Variants in AOAH observed in about 807,000 individuals in gnomAD.
The protein encoded by AOAH is acyloxyacyl hydrolase (neutrophil).
A neutral mutation model predicts 92.2 loss-of-function variants in AOAH; 64 were observed. That is an observed-to-expected ratio of 0.69 (90% CI 0.57 to 0.86). The LOEUF is 0.86. AOAH is among the 40% of genes least tolerant of loss of function. The pLI, the probability that AOAH is intolerant of heterozygous loss-of-function variation, is 0.00. For synonymous variants in AOAH, 263 were observed against 254.5 expected, an observed-to-expected ratio of 1.03 and a Z score of -0.32; for missense variants, 656 against 694.6, an observed-to-expected ratio of 0.94 and a Z score of 0.62.
At chr7:36,651,024 A>C (rs1794544706) in intron 4 of AOAH, among the ~76,000 whole-genome samples, 1 of 152,168 alleles carries the variant, frequency 6.6e-6, no homozygotes, top group Non-Finnish European at 1.5e-5. Flanking sequence ...GCCCAGCACA[A>C]GGGGCTGACG....
intron 1 of AOAH, among the ~76,000 whole-genome samples, chr7:36,722,281 C>T (rs1242515261): frequency 2.0e-5 from 3 of 152,142 alleles, no homozygotes; most frequent in Non-Finnish European, 4.4e-5. Flanking sequence ...TCCCCAACAC[C>T]TCCTTCTTAC....
chr7:36,610,117 TTC>T (rs1394060218), intron 11 of AOAH, among the ~76,000 whole-genome samples: 2,184 of 125,868 alleles, frequency 0.017, 44 homozygotes, highest in African/African-American at 0.061. Context: ...TTTTCTTTTT[TTC>T]TTTTTTCTTT....
At chr7:36,674,634 G>C (rs1241018178) in intron 2 of AOAH, among the ~76,000 whole-genome samples, 1 of 152,206 alleles carries the variant, frequency 6.6e-6, no homozygotes, top group Non-Finnish European at 1.5e-5. Flanking sequence ...AATGAAACTT[G>C]TTAGCTCTTT....
At chr7:36,656,718 C>G (rs1427691279) in intron 4 of AOAH, among the ~76,000 whole-genome samples, 1 of 150,792 alleles carries the variant, frequency 6.6e-6, no homozygotes, top group Non-Finnish European at 1.5e-5. Context: ...TTTTTTTGTG[C>G]GACCTTCCCC....
Position 36,628,881 on chromosome 7 carries a change from G to A in AOAH, c.521+3155C>T, listed in dbSNP as rs10275800. Among the ~76,000 whole-genome samples the A allele has an allele frequency of 6.2e-3, 937 of 152,332 alleles. 9 individuals are homozygous for A. Among genetic ancestry groups the A allele is most frequent in the African/African-American group, 0.02 (836 of 41,574 alleles). On this transcript the variant is annotated intron_variant, in intron 6 of 20. Coordinates refer to ENST00000617537, the MANE Select transcript of AOAH (RefSeq NM_001637.4). ...TAAAACCTACTTGTTCCTCTAAAGC[G>A]TAGGGCTAAGAGTTGAGGGGTCAAT...
At chr7:36,672,415 A>G (rs2116646397) in intron 3 of AOAH, among the ~76,000 whole-genome samples, 1 of 152,336 alleles carries the variant, frequency 6.6e-6, no homozygotes, top group South Asian at 2.1e-4. Context: ...AATGTGGCAC[A>G]TATACACCAT....
At chr7:36,685,863 T>C (rs1045256495) in intron 2 of AOAH, among the ~76,000 whole-genome samples, 1 of 152,200 alleles carries the variant, frequency 6.6e-6, no homozygotes, top group African/African-American at 2.4e-5. Flanking sequence ...TTTTAGCCTG[T>C]GAATGCATAT....
intron 15 of AOAH, among the ~76,000 whole-genome samples, chr7:36,542,964 A>G (rs1318624191): frequency 6.6e-6 from 1 of 152,176 alleles, no homozygotes; most frequent in Non-Finnish European, 1.5e-5. Context: ...GTATTAAAGT[A>G]TTGTTGACTA....
At chr7:36,642,515 G>T (rs1793980473) in intron 4 of AOAH, among the ~76,000 whole-genome samples, 1 of 152,138 alleles carries the variant, frequency 6.6e-6, no homozygotes, top group Non-Finnish European at 1.5e-5. Context: ...TCAGACAATT[G>T]CTTTCTGTTG....
At chr7:36,587,389 T>G (rs1005779369) in intron 12 of AOAH, among the ~76,000 whole-genome samples, 31 of 152,148 alleles carry the variant, frequency 2.0e-4, no homozygotes, top group African/African-American at 7.2e-4. Flanking sequence ...GATAGCTGTC[T>G]TTGATTCTAC....
At chr7:36,522,236 G>A (rs1784143176) in intron 19 of AOAH, 121 bp from the exon 20 acceptor site, 1 of 753,996 alleles carries the variant, frequency 1.3e-6, no homozygotes, top group East Asian at 2.7e-5. Flanking sequence ...AGCCACGGCT[G>A]CCTCTGAGCT....
intron 10 of AOAH, among the ~76,000 whole-genome samples, chr7:36,617,624 G>C (rs2247995): frequency 6.6e-6 from 1 of 152,102 alleles, no homozygotes; most frequent in African/African-American, 2.4e-5. Context: ...GGTGATTGTG[G>C]AAGTGGGGAG....
chr7:36,654,548 G>C (rs1794767535), intron 4 of AOAH, among the ~76,000 whole-genome samples: 1 of 152,130 alleles, frequency 6.6e-6, no homozygotes, highest in African/African-American at 2.4e-5. Context: ...ACTGAAGCCA[G>C]ATCTCTGTTG....
At chr7:36,583,838 T>A (rs1218737726) in intron 12 of AOAH, among the ~76,000 whole-genome samples, 1 of 152,106 alleles carries the variant, frequency 6.6e-6, no homozygotes, top group Non-Finnish European at 1.5e-5. Flanking sequence ...TCCTGGCCTT[T>A]CCCAGCCCCA....
At chr7:36,636,182 G>T (rs1793509098) in intron 5 of AOAH, among the ~76,000 whole-genome samples, 1 of 152,178 alleles carries the variant, frequency 6.6e-6, no homozygotes. Context: ...ACACTTATTT[G>T]CATTTTCTGT....
chr7:36,723,455 C>T (rs17170683), intron 1 of AOAH, among the ~76,000 whole-genome samples: 24,312 of 152,190 alleles, frequency 0.16, 2,042 homozygotes, highest in African/African-American at 0.19. Flanking sequence ...CTCTGAGAGA[C>T]GGAAGGAAGC....
chr7:36,631,990 C>T (rs373654242), intron 6 of AOAH, 46 bp downstream of exon 6: 30 of 1,454,858 alleles, frequency 2.1e-5, no homozygotes, highest in Admixed American at 3.8e-5. Context: ...CAAGCAAAGA[C>T]GTTATTACAT....
At chr7:36,572,742 T>C (rs896864816) in intron 13 of AOAH, among the ~76,000 whole-genome samples, 1 of 152,208 alleles carries the variant, frequency 6.6e-6, no homozygotes, top group African/African-American at 2.4e-5. Flanking sequence ...AGGTATGACA[T>C]ATCTGGTCAG....
intron 19 of AOAH, among the ~76,000 whole-genome samples, chr7:36,523,991 C>T: frequency 6.6e-6 from 1 of 152,092 alleles, no homozygotes; most frequent in East Asian, 1.9e-4. Context: ...AAACAAAAAT[C>T]AGCAACGATG....
Sources: allele counts gnomAD v4.1 joint callset (sites outside exome capture counted in the v4.1 genomes callset), GRCh38; gene constraint gnomAD v4.1.1; transcripts MANE v1.5; gene names NCBI Gene and HGNC (gene_info 2026-07-23, HGNC 2026-07-21).